The following CHN2 variants were observed in gnomAD, a reference collection of about 807,000 sequenced individuals.
CHN2 encodes the protein chimerin 2.
In CHN2, 35 loss-of-function variants were observed where a neutral mutation model predicts 56.3. The observed-to-expected ratio is 0.62, with a 90% CI of 0.47 to 0.82. The LOEUF (loss-of-function observed/expected upper bound fraction) is 0.82, where lower values mean the gene tolerates loss of function less well. CHN2 is among the 40% of genes least tolerant of loss of function. The pLI, the probability that CHN2 is intolerant of heterozygous loss-of-function variation, is 0.00. For synonymous variants in CHN2, 210 were observed against 212.8 expected (o/e 0.99, Z 0.12); for missense variants, 491 against 580.5 (o/e 0.85, Z 1.58).
intron 1 of CHN2, among the ~76,000 whole-genome samples, chr7:29,234,888 C>T (rs1050771505): frequency 6.6e-6 from 1 of 152,110 alleles, no homozygotes; most frequent in Non-Finnish European, 1.5e-5. Flanking sequence ...AGAGCTGTCA[C>T]GAAAACAGGT....
intron 1 of CHN2, among the ~76,000 whole-genome samples, chr7:29,343,613 C>T (rs1412275143): frequency 2.0e-5 from 3 of 152,096 alleles, no homozygotes; most frequent in Admixed American, 2.0e-4. Flanking sequence ...TTAACCACTT[C>T]CCCCTTTTTA....
chr7:29,504,873 T>C (rs749179807), intron 10 of CHN2, 52 bp downstream of exon 10: 3 of 1,289,086 alleles, frequency 2.3e-6, no homozygotes, highest in South Asian at 1.2e-5. Flanking sequence ...CCCTTCTCGA[T>C]TGGAAGTAGG....
At chr7:29,480,425 C>T (rs1562642396) in intron 7 of CHN2, 69 bp downstream of exon 7, 13 of 1,503,810 alleles carry the variant, frequency 8.6e-6, no homozygotes, top group Non-Finnish European at 9.2e-6. Context: ...GTATAGTTTC[C>T]GTCTGGTTTC....
intron 1 of CHN2, among the ~76,000 whole-genome samples, chr7:29,241,518 G>A (rs1244514947): frequency 6.6e-6 from 1 of 152,130 alleles, no homozygotes; most frequent in Non-Finnish European, 1.5e-5. Flanking sequence ...CCGCCTGGCT[G>A]TCTCAGTGGT....
At chr7:29,357,792 C>T (rs10240253) in intron 2 of CHN2, among the ~76,000 whole-genome samples, 46,049 of 152,008 alleles carry the variant, frequency 0.3, 6,998 homozygotes, top group East Asian at 0.31. Context: ...TAAAATGATA[C>T]CATTTCTTGA....
At chr7:29,324,791 A>G (rs1314625746) in intron 1 of CHN2, among the ~76,000 whole-genome samples, 2 of 152,138 alleles carry the variant, frequency 1.3e-5, no homozygotes, top group African/African-American at 4.8e-5. Context: ...TAAAGGGTTT[A>G]TTTCTTGTAA....
At chr7:29,476,567 A>C (rs1786611441) in intron 6 of CHN2, among the ~76,000 whole-genome samples, 1 of 152,074 alleles carries the variant, frequency 6.6e-6, no homozygotes, top group Non-Finnish European at 1.5e-5. Flanking sequence ...AAATTAAAAA[A>C]AAAAAATACA....
At chr7:29,284,293 C>A (rs550192250) in intron 1 of CHN2, among the ~76,000 whole-genome samples, 2 of 152,196 alleles carry the variant, frequency 1.3e-5, no homozygotes, top group South Asian at 4.1e-4. Context: ...TGGGGTTTCA[C>A]CACGTTGGCC....
In CHN2 at chr7:29,400,482, T is replaced by A. The variant is rs1373490375; in HGVS notation, c.291-61T>A. ...TTCAAAAAACGTTAGCTGCTATTGT[T>A]ATCATTCCACACTGTGCTTATTTCT... On this transcript the variant is annotated intron_variant, in intron 5 of 12. Coordinates refer to ENST00000222792, the MANE Select transcript of CHN2 (RefSeq NM_004067.4). 2.0e-6 allele frequency: 3 copies of A among 1,523,988 alleles called. No individual in the cohort carries two copies. The African/African-American group carries it at 4.1e-5, about 21-fold the overall frequency. 94.4% of individuals were successfully genotyped at this position (1,523,988 alleles called of 1,614,324 possible).
intron 1 of CHN2, among the ~76,000 whole-genome samples, chr7:29,198,745 A>C (rs1027069297): frequency 6.6e-6 from 1 of 152,240 alleles, no homozygotes; most frequent in Admixed American, 6.5e-5. Context: ...ATTTGCTTGT[A>C]TAATTAAAAT....
chr7:29,497,071 T>C (rs1324725964), intron 8 of CHN2, among the ~76,000 whole-genome samples: 1 of 152,244 alleles, frequency 6.6e-6, no homozygotes, highest in Non-Finnish European at 1.5e-5. Context: ...TAGCTTCCAT[T>C]GTGTAAATAC....
chr7:29,329,404 T>G (rs1270205240), intron 1 of CHN2, among the ~76,000 whole-genome samples: 4 of 46,722 alleles, frequency 8.6e-5, no homozygotes, highest in African/African-American at 2.9e-4. Flanking sequence ...AAAAAAAAAG[T>G]CAGCAATTGG....
intron 1 of CHN2, among the ~76,000 whole-genome samples, chr7:29,348,275 T>A (rs1241382189): frequency 6.6e-6 from 1 of 152,140 alleles, no homozygotes; most frequent in African/African-American, 2.4e-5. Flanking sequence ...AACAGCAGCA[T>A]CATCTTTTTG....
At chr7:29,211,898 A>C (rs986859708) in intron 1 of CHN2, among the ~76,000 whole-genome samples, 13 of 152,202 alleles carry the variant, frequency 8.5e-5, no homozygotes, top group Non-Finnish European at 1.3e-4. Context: ...ATAACTTTTT[A>C]TAAAGAACAT....
chr7:29,453,000 A>G (rs1005909590), intron 6 of CHN2, among the ~76,000 whole-genome samples: 1 of 152,212 alleles, frequency 6.6e-6, no homozygotes, highest in African/African-American at 2.4e-5. Flanking sequence ...TAACAAATTT[A>G]TATTTCTTAA....
intron 1 of CHN2, among the ~76,000 whole-genome samples, chr7:29,265,108 G>A (rs117241580): frequency 2.6e-3 from 390 of 152,176 alleles, no homozygotes; most frequent in Non-Finnish European, 4.7e-3. Flanking sequence ...GAAGGAATAG[G>A]GACGGCATCA....
chr7:29,459,426 A>T (rs554819648), intron 6 of CHN2, among the ~76,000 whole-genome samples: 1 of 152,182 alleles, frequency 6.6e-6, no homozygotes, highest in African/African-American at 2.4e-5. Flanking sequence ...GGGTAAGGTC[A>T]TGCCGGCTGG....
chr7:29,341,026 C>T (rs1429107750), intron 1 of CHN2, among the ~76,000 whole-genome samples: 1 of 152,274 alleles, frequency 6.6e-6, no homozygotes, highest in African/African-American at 2.4e-5. Context: ...AGCCCCGTCT[C>T]TATATTCACA....
chr7:29,412,338 TTTTTTTTTTTG>T (rs1330749768), intron 6 of CHN2, among the ~76,000 whole-genome samples: 1,975 of 101,332 alleles, frequency 0.019, 57 homozygotes, highest in African/African-American at 0.066. Flanking sequence ...TTTTTTTTTT[TTTTTTTTTTTG>T]GGAGACGGAG....
Sources: gnomAD v4.1 joint callset for allele counts (sites outside exome capture counted in the v4.1 genomes callset) on GRCh38, gnomAD v4.1.1 for gene constraint, MANE v1.5 for transcripts, NCBI Gene and HGNC (gene_info 2026-07-23, HGNC 2026-07-21) for gene names.